SPPL2B: variants seen among roughly 807,000 people sequenced by gnomAD.
SPPL2B encodes signal peptide peptidase like 2B, also known as signal peptide peptidase-like 2B.
Under a neutral mutation model 59.7 loss-of-function variants are expected in SPPL2B, and 39 were observed. That is an observed-to-expected ratio of 0.65 (90% CI 0.51 to 0.85). The LOEUF is 0.85. SPPL2B is among the 40% of genes least tolerant of loss of function. The pLI, the probability that SPPL2B is intolerant of heterozygous loss-of-function variation, is 0.00. For missense variants in SPPL2B, 865 were observed against 849.0 expected, an observed-to-expected ratio of 1.02 and a Z score of -0.23; for synonymous variants, 419 against 370.8, an observed-to-expected ratio of 1.13 and a Z score of -1.49.
intron 2 of SPPL2B, among the ~76,000 whole-genome samples, chr19:2,335,314 G>A (rs1312575618): frequency 1.0e-5 from 1 of 98,696 alleles, no homozygotes; most frequent in Non-Finnish European, 2.0e-5. Context: ...CTTTCCCACT[G>A]CATCCTTCAG....
In SPPL2B at chr19:2,336,898, G is replaced by T. The variant is rs74597536; in HGVS notation, c.187-545G>T. Among the ~76,000 whole-genome samples, 779 of 124,340 alleles carry T rather than the reference G, an allele frequency of 6.3e-3. 11 individuals carry two copies. The highest frequency in any genetic ancestry group is 0.054 in the East Asian group (246 of 4,578). 81.6% of individuals were successfully genotyped at this position (124,340 alleles called of 152,430 possible). On this transcript the variant is annotated intron_variant, in intron 2 of 14. Transcript: ENST00000613503. Reference sequence around the variant, plus strand: ...GTGCGTGTGCACTGGTCTGGCTGTGGGTGTGTGTGTGTGTGTGCATGTATG... The same window carrying T: ...GTGCGTGTGCACTGGTCTGGCTGTGTGTGTGTGTGTGTGTGTGCATGTATG...
At chr19:2,329,360 C>T (rs1968161697) in intron 1 of SPPL2B, among the ~76,000 whole-genome samples, 1 of 152,214 alleles carries the variant, frequency 6.6e-6, no homozygotes, top group Non-Finnish European at 1.5e-5. Context: ...AGAAGGAGGA[C>T]CGACTATGGT....
chr19:2,343,282 C>G lies in SPPL2B; in HGVS notation c.1028C>G (p.Pro343Arg). Residue 343 changes from proline (P) to arginine (R), a missense_variant, in exon 9 of 15, where the codon CCC becomes CGC. Physicochemically the swap from Pro to Arg is moderately radical, Grantham distance 103. Coordinates refer to ENST00000613503, the MANE Select transcript of SPPL2B (RefSeq NM_152988.3). The stretch of plus-strand genomic sequence containing the variant: ...TACATGCTGAAGACCATCCGTCTGC[C>G]CACCTTCAAGGTGAGTGCAGGGAGG... ...CLYMLKTIRL[P>R]TFKACTLLLL... 1 of 1,553,154 alleles carries G rather than the reference C, an allele frequency of 6.4e-7. No individual in the cohort carries two copies. The highest frequency in any genetic ancestry group is 8.7e-7 in the Non-Finnish European group (1 of 1,147,932).
intron 8 of SPPL2B, chr19:2,341,706 A>G (rs765091262): frequency 7.2e-6 from 3 of 418,664 alleles, no homozygotes; most frequent in African/African-American, 4.1e-5. Flanking sequence ...GGCAGAAGGA[A>G]GATGTGAAAA....
intron 9 of SPPL2B, 73 bp downstream of exon 9, chr19:2,343,365 G>A (rs1599230141): frequency 4.7e-6 from 6 of 1,272,768 alleles, no homozygotes; most frequent in Non-Finnish European, 1.1e-6. Context: ...TGGCCCGTGT[G>A]GGGCTGTGGT....
At chr19:2,336,250 A>G (rs1435043789) in intron 2 of SPPL2B, among the ~76,000 whole-genome samples, 3 of 149,888 alleles carry the variant, frequency 2.0e-5, no homozygotes, top group Non-Finnish European at 3.0e-5. Flanking sequence ...TGTGCATGCA[A>G]TAGTTTTGTG....
At chr19:2,339,640 A>C in intron 5 of SPPL2B, 184 bp from the exon 6 acceptor site, 1 of 671,016 alleles carries the variant, frequency 1.5e-6, no homozygotes, top group Non-Finnish European at 2.5e-6. Context: ...GGGCCCTGCC[A>C]CCCTCTGCTG....
Position 2,343,118 on chromosome 19 carries a change from C to A in SPPL2B, c.957-93C>A, listed in dbSNP as rs1969153260. 8 of 1,007,348 alleles carry A rather than the reference C, an allele frequency of 7.9e-6. No homozygotes were observed. The Admixed American group carries it at 1.0e-4, about 13-fold the overall frequency. 62.4% of individuals were successfully genotyped at this position (1,007,348 alleles called of 1,614,324 possible). The stretch of plus-strand genomic sequence containing the variant: ...GAAGGGCAGTGGGGCTGCGTGCTGG[C>A]TGAGAGCAAGGGCCCTGTGTGGCTC... On this transcript the variant is annotated intron_variant, in intron 8 of 14. Transcript: ENST00000613503.
In SPPL2B at chr19:2,346,250, C is replaced by T. The variant is rs73916995; in HGVS notation, c.1354+920C>T. On this transcript the variant is annotated intron_variant, in intron 13 of 14. Coordinates refer to ENST00000613503, the MANE Select transcript of SPPL2B (RefSeq NM_152988.3). Reference sequence around the variant, plus strand: ...CCTGCCCTCCACGTGGCTCCCTAAACGGCCACTCCCAGGGCCAGGAGAGTT... The same window carrying T: ...CCTGCCCTCCACGTGGCTCCCTAAATGGCCACTCCCAGGGCCAGGAGAGTT... Among the ~76,000 whole-genome samples the T allele has an allele frequency of 5.4e-3, 817 of 152,378 alleles. 4 individuals carry two copies. Among genetic ancestry groups the T allele is most frequent in the African/African-American group, 0.019 (770 of 41,594 alleles).
intron 14 of SPPL2B, 107 bp from the exon 15 acceptor site, chr19:2,352,839 T>G: frequency 6.3e-6 from 8 of 1,277,354 alleles, no homozygotes; most frequent in Non-Finnish European, 8.7e-6. Flanking sequence ...TGGCGCCTCA[T>G]TTTGACCCTG....
chr19:2,344,459 T>C (rs184794087), intron 11 of SPPL2B, 35 bp downstream of exon 11: 294 of 1,570,030 alleles, frequency 1.9e-4, no homozygotes, highest in Non-Finnish European at 2.5e-4. Flanking sequence ...CAGGTTGCCA[T>C]GGGTCAAGGT....
chr19:2,337,403 T>C (rs1283508514), intron 2 of SPPL2B, 40 bp from the exon 3 acceptor site: 42 of 1,533,718 alleles, frequency 2.7e-5, no homozygotes, highest in Non-Finnish European at 3.7e-5. Context: ...TCCTGGTGAC[T>C]CACATCACGT....
At chr19:2,341,386 G>A (rs1445650342) in intron 8 of SPPL2B, 4 of 479,164 alleles carry the variant, frequency 8.3e-6, no homozygotes, top group African/African-American at 2.0e-5. Flanking sequence ...GAGGCCCAGG[G>A]TGTGGGCACC....
At chr19:2,337,674 G>A (rs760700456) in intron 3 of SPPL2B, 49 bp downstream of exon 3, 5 of 1,489,314 alleles carry the variant, frequency 3.4e-6, no homozygotes, top group Non-Finnish European at 4.5e-6. Context: ...GGGCAGGAGG[G>A]GGGTGCAGGA....
At chr19:2,329,269 G>T (rs2057018172) in intron 1 of SPPL2B, among the ~76,000 whole-genome samples, 1 of 152,226 alleles carries the variant, frequency 6.6e-6, no homozygotes, top group Non-Finnish European at 1.5e-5. Context: ...TCCTGGAGCG[G>T]CCAGGAGTCC....
chr19:2,334,398 G>T (rs1209236989), intron 1 of SPPL2B, among the ~76,000 whole-genome samples: 3 of 152,230 alleles, frequency 2.0e-5, no homozygotes, highest in Non-Finnish European at 2.9e-5. Flanking sequence ...CCTGAGGAAG[G>T]TGAGCCAGTC....
Position 2,332,462 on chromosome 19 carries a change from G to A in SPPL2B, c.67-2140G>A, listed in dbSNP as rs149644504. ...CGTCTGCACTGTTTTCCCTTGTGGC[G>A]TTGTGGTGTCGGCCCGTTTGGTGCG... is the stretch of plus-strand genomic sequence containing the variant. On this transcript the variant is annotated intron_variant, in intron 1 of 14. Coordinates refer to ENST00000613503, the MANE Select transcript of SPPL2B (RefSeq NM_152988.3). The surrounding 1 kb of genome is among the most constrained non-coding windows in gnomAD (Gnocchi z 4.6). Among the ~76,000 whole-genome samples the A allele has an allele frequency of 1.5e-3, 223 of 152,344 alleles. No homozygotes were observed. The highest frequency in any genetic ancestry group is 4.8e-3 in the African/African-American group (199 of 41,574).
At chr19:2,349,048 C>T (rs1371719836) in intron 13 of SPPL2B, among the ~76,000 whole-genome samples, 1 of 148,862 alleles carries the variant, frequency 6.7e-6, no homozygotes, top group Non-Finnish European at 1.5e-5. Flanking sequence ...CACTCACGCG[C>T]TCTCATTCGC....
intron 8 of SPPL2B, 72 bp downstream of exon 8, chr19:2,341,086 ACTCCCTGCC>A (rs746988265): frequency 2.9e-4 from 315 of 1,100,266 alleles, no homozygotes; most frequent in East Asian, 3.2e-4. Context: ...TGGGGCCCTG[ACTCCCTGCC>A]CTCCCTGGAG....
Sources: gnomAD v4.1 joint callset for allele counts (sites outside exome capture counted in the v4.1 genomes callset) on GRCh38, gnomAD v4.1.1 for gene constraint, Gnocchi (gnomAD v3.1) non-coding constraint, MANE v1.5 for transcripts, NCBI Gene and HGNC (gene_info 2026-07-23, HGNC 2026-07-21) for gene names.